EXOC6B: variants seen among roughly 807,000 people sequenced by gnomAD.
EXOC6B encodes exocyst complex component 6B.
EXOC6B carries 54 observed loss-of-function variants against 113.5 expected under a neutral mutation model. That is an observed-to-expected ratio of 0.48 (90% CI 0.38 to 0.60). EXOC6B has a LOEUF of 0.60. Among genes scored for constraint, EXOC6B ranks in the 20% least tolerant of loss-of-function variants. The probability of loss-of-function intolerance (pLI) is 0.00; values close to 1 mark genes in which losing one functional copy is unlikely to be tolerated. For missense variants in EXOC6B, 797 were observed against 977.5 expected (o/e 0.82, Z 2.46); for synonymous variants, 357 against 339.0 (o/e 1.05, Z -0.58).
In EXOC6B at chr2:72,692,321, T is replaced by C. The variant is rs118160468; in HGVS notation, c.669+25782A>G. On this transcript the variant is annotated intron_variant, in intron 6 of 21. Transcript: ENST00000272427. ...ACAACTTTCACTACACTAAGAAGTG[T>C]ATAGAATTTTCCTCTTCCTTTTTCA... Among the ~76,000 whole-genome samples the C allele has an allele frequency of 3.2e-4, 49 of 152,154 alleles. 1 individual carries two copies. In the East Asian group the frequency reaches 8.1e-3, roughly 25 times the overall value.
chr2:72,611,199 T>C (rs918099067), intron 6 of EXOC6B, among the ~76,000 whole-genome samples: 4 of 151,628 alleles, frequency 2.6e-5, no homozygotes, highest in Non-Finnish European at 4.4e-5. Context: ...GCGTCTCTAC[T>C]AAAAAATACA....
intron 20 of EXOC6B, among the ~76,000 whole-genome samples, chr2:72,334,133 T>A (rs2104876685): frequency 1.3e-5 from 2 of 152,154 alleles, no homozygotes; most frequent in Non-Finnish European, 2.9e-5. Context: ...TCTTACTTCA[T>A]TCACACTTTC....
intron 18 of EXOC6B, among the ~76,000 whole-genome samples, chr2:72,450,958 AT>A (rs951996317): frequency 4.7e-4 from 72 of 152,320 alleles, no homozygotes; most frequent in African/African-American, 1.5e-3. Context: ...AAGGATCCCC[AT>A]GGACAACTGC....
At chr2:72,259,355 T>C (rs1241566862) in intron 20 of EXOC6B, among the ~76,000 whole-genome samples, 1 of 152,242 alleles carries the variant, frequency 6.6e-6, no homozygotes, top group Admixed American at 6.5e-5. Context: ...GTTGTGTGTA[T>C]CAGTAGTTAT....
chr2:72,686,714 G>A (rs1318963308), intron 6 of EXOC6B, among the ~76,000 whole-genome samples: 1 of 152,094 alleles, frequency 6.6e-6, no homozygotes, highest in African/African-American at 2.4e-5. Flanking sequence ...TTATTGGTAT[G>A]AGTCTTATTC....
chr2:72,803,710 G>C (rs1458682000), intron 1 of EXOC6B, among the ~76,000 whole-genome samples: 1 of 152,154 alleles, frequency 6.6e-6, no homozygotes, highest in Non-Finnish European at 1.5e-5. Flanking sequence ...TTCTCATTTA[G>C]TTTTGAAAGA....
Position 72,176,008 on chromosome 2 carries a change from C to T in EXOC6B, c.*3327G>A, listed in dbSNP as rs912334944. On this transcript the variant is annotated 3_prime_UTR_variant, in exon 22 of 22. Transcript: ENST00000272427. ...GTGGCTTTTGAAACAGGTATGTAGG[C>T]TTTCTTGTTTAATAGCAGTTAAAAG... The T allele has an allele frequency of 6.6e-6, 1 of 152,210 alleles. No homozygotes were observed. Among genetic ancestry groups the T allele is most frequent in the African/African-American group, 2.4e-5 (1 of 41,434 alleles). 9.4% of individuals were successfully genotyped at this position (152,210 alleles called of 1,614,324 possible).
intron 16 of EXOC6B, among the ~76,000 whole-genome samples, chr2:72,483,906 A>C (rs1163983272): frequency 6.6e-6 from 1 of 152,182 alleles, no homozygotes; most frequent in Admixed American, 6.5e-5. Flanking sequence ...TGTCCTAAAC[A>C]TTATTTCAAG....
At chr2:72,665,287 T>C (rs1247133469) in intron 6 of EXOC6B, among the ~76,000 whole-genome samples, 1 of 152,124 alleles carries the variant, frequency 6.6e-6, no homozygotes, top group Non-Finnish European at 1.5e-5. Flanking sequence ...TTTGAAGATA[T>C]ATTCCATGAA....
chr2:72,603,092 T>C (rs186087279), intron 6 of EXOC6B, among the ~76,000 whole-genome samples: 1 of 149,784 alleles, frequency 6.7e-6, no homozygotes, highest in East Asian at 2.0e-4. Flanking sequence ...TTTTTTTGGT[T>C]GTTTTTTTTT....
intron 19 of EXOC6B, among the ~76,000 whole-genome samples, chr2:72,361,070 C>G (rs1690284411): frequency 6.6e-6 from 1 of 151,820 alleles, no homozygotes; most frequent in Non-Finnish European, 1.5e-5. Context: ...TGTCTTATAA[C>G]TAGGATCTAC....
intron 20 of EXOC6B, among the ~76,000 whole-genome samples, chr2:72,211,595 G>A (rs1312333299): frequency 1.3e-5 from 2 of 152,130 alleles, no homozygotes; most frequent in African/African-American, 4.8e-5. Context: ...CATAAGCTGG[G>A]TTTTATGGTG....
At chr2:72,397,901 A>G (rs1692854520) in intron 18 of EXOC6B, among the ~76,000 whole-genome samples, 1 of 152,172 alleles carries the variant, frequency 6.6e-6, no homozygotes, top group Admixed American at 6.5e-5. Context: ...AGATCCCACC[A>G]TATCTGAGGT....
At chr2:72,312,669 C>T (rs1222849152) in intron 20 of EXOC6B, among the ~76,000 whole-genome samples, 3 of 151,578 alleles carry the variant, frequency 2.0e-5, no homozygotes, top group Admixed American at 6.6e-5. Flanking sequence ...GCAGGAGAAT[C>T]GCTTGAACCC....
intron 19 of EXOC6B, among the ~76,000 whole-genome samples, chr2:72,378,703 T>C (rs1471065313): frequency 2.0e-5 from 3 of 152,204 alleles, no homozygotes; most frequent in Non-Finnish European, 2.9e-5. Flanking sequence ...TAATAAGTAG[T>C]AAAATAAAAA....
chr2:72,327,510 A>T (rs1688196457), intron 20 of EXOC6B, among the ~76,000 whole-genome samples: 1 of 152,094 alleles, frequency 6.6e-6, no homozygotes, highest in African/African-American at 2.4e-5. Flanking sequence ...GAGGATAATG[A>T]ATAGAAAATG....
intron 6 of EXOC6B, among the ~76,000 whole-genome samples, chr2:72,586,804 C>T (rs573903334): frequency 3.5e-4 from 53 of 151,224 alleles, no homozygotes; most frequent in African/African-American, 8.5e-4. Context: ...AACAAAAATA[C>T]GAAAAAATGC....
At chr2:72,642,151 G>A (rs1673295970) in intron 6 of EXOC6B, among the ~76,000 whole-genome samples, 1 of 152,120 alleles carries the variant, frequency 6.6e-6, no homozygotes, top group Non-Finnish European at 1.5e-5. Flanking sequence ...CAGAGCATGG[G>A]TAGGAAGAAT....
chr2:72,208,784 A>G (rs1397271579), intron 20 of EXOC6B, among the ~76,000 whole-genome samples: 2 of 152,158 alleles, frequency 1.3e-5, no homozygotes, highest in African/African-American at 2.4e-5. Flanking sequence ...AAATCTTCCA[A>G]TGTCACTAAG....
Sources: allele counts gnomAD v4.1 joint callset (sites outside exome capture counted in the v4.1 genomes callset), GRCh38; gene constraint gnomAD v4.1.1; transcripts MANE v1.5; gene names NCBI Gene and HGNC (gene_info 2026-07-23, HGNC 2026-07-21).